Variants in MEIS2 observed in about 807,000 individuals in gnomAD.
MEIS2 encodes the protein Meis homeobox 2.
MEIS2 carries 9 observed loss-of-function variants against 58.6 expected under a neutral mutation model. The observed-to-expected ratio is 0.15, with a 90% confidence interval of 0.09 to 0.27. MEIS2 has a LOEUF of 0.27. MEIS2 is among the 10% of genes least tolerant of loss of function. The pLI, the probability that MEIS2 is intolerant of heterozygous loss-of-function variation, is 1.00. For synonymous variants in MEIS2, 221 were observed against 228.4 expected (o/e 0.97, Z 0.29); for missense variants, 427 against 635.0 (o/e 0.67, Z 3.52).
At chr15:36,965,212 G>A (rs184403962) in intron 8 of MEIS2, among the ~76,000 whole-genome samples, 2 of 152,190 alleles carry the variant, frequency 1.3e-5, no homozygotes, top group African/African-American at 4.8e-5. Context: ...ATAGATTAGG[G>A]AGAAACTTTG....
At chr15:36,928,452 A>C (rs1467354366) in intron 9 of MEIS2, among the ~76,000 whole-genome samples, 1 of 152,214 alleles carries the variant, frequency 6.6e-6, no homozygotes, top group South Asian at 2.1e-4. Context: ...GTTCAGGTCC[A>C]AACCGATAGT....
chr15:36,907,467 C>G (rs2056796462), intron 9 of MEIS2, among the ~76,000 whole-genome samples: 1 of 152,170 alleles, frequency 6.6e-6, no homozygotes, highest in Non-Finnish European at 1.5e-5. Flanking sequence ...TTTCATTTGT[C>G]TGGGGATCTC....
intron 3 of MEIS2, 66 bp from the exon 4 acceptor site, chr15:37,095,680 AATGGGT>A (rs1766347553): frequency 1.2e-6 from 2 of 1,611,954 alleles, no homozygotes; most frequent in Non-Finnish European, 1.7e-6. Context: ...GAAATGTGAG[AATGGGT>A]ACGGTGGAGG....
At chr15:36,943,844 C>A (rs1463115778) in intron 9 of MEIS2, among the ~76,000 whole-genome samples, 1 of 152,070 alleles carries the variant, frequency 6.6e-6, no homozygotes, top group African/African-American at 2.4e-5. Flanking sequence ...AGTCCCCTCG[C>A]TGGCATTCCC....
intron 8 of MEIS2, among the ~76,000 whole-genome samples, chr15:36,976,286 A>C (rs537129679): frequency 2.6e-5 from 4 of 151,776 alleles, no homozygotes; most frequent in African/African-American, 9.7e-5. Flanking sequence ...GGGTTTCACC[A>C]TGTTGGCCAG....
chr15:36,999,120 C>T (rs1017289679), intron 8 of MEIS2, among the ~76,000 whole-genome samples: 12 of 152,278 alleles, frequency 7.9e-5, no homozygotes, highest in African/African-American at 2.9e-4. Context: ...AGCTCAGGTG[C>T]TAGCAATCTC....
chr15:36,930,662 A>AAG (rs1489575380), intron 9 of MEIS2, among the ~76,000 whole-genome samples: 8 of 152,172 alleles, frequency 5.3e-5, no homozygotes, highest in Non-Finnish European at 7.3e-5. Context: ...CATAAGCAAA[A>AAG]AAAATGACGA....
At chr15:36,922,723 C>T (rs1204036607) in intron 9 of MEIS2, among the ~76,000 whole-genome samples, 9 of 150,076 alleles carry the variant, frequency 6.0e-5, no homozygotes, top group Non-Finnish European at 8.9e-5. Flanking sequence ...CGGGTTCAGG[C>T]GATTCTCCTG....
intron 7 of MEIS2, among the ~76,000 whole-genome samples, chr15:37,066,973 G>T (rs577022860): frequency 6.6e-6 from 1 of 151,836 alleles, no homozygotes; most frequent in East Asian, 1.9e-4. Flanking sequence ...TAGAGATGGG[G>T]TCTTGCTTTG....
chr15:36,978,087 T>G (rs1278718787), intron 8 of MEIS2, among the ~76,000 whole-genome samples: 1 of 152,216 alleles, frequency 6.6e-6, no homozygotes, highest in Non-Finnish European at 1.5e-5. Flanking sequence ...TAAATGTACC[T>G]CCTCTGCATT....
intron 7 of MEIS2, among the ~76,000 whole-genome samples, chr15:37,062,484 G>C (rs1384155202): frequency 6.6e-6 from 1 of 152,192 alleles, no homozygotes; most frequent in African/African-American, 2.4e-5. Flanking sequence ...TAGTCAAAGA[G>C]ACAGAAGGAG....
intron 9 of MEIS2, among the ~76,000 whole-genome samples, chr15:36,925,050 G>A (rs1241767027): frequency 1.3e-5 from 2 of 152,152 alleles, no homozygotes; most frequent in African/African-American, 4.8e-5. Flanking sequence ...TTGCAGGGAT[G>A]CAGTGACTGT....
chr15:36,917,000 C>A (rs916196356), intron 9 of MEIS2, among the ~76,000 whole-genome samples: 2 of 152,140 alleles, frequency 1.3e-5, no homozygotes, highest in Non-Finnish European at 2.9e-5. Context: ...CACTCATGCA[C>A]ACATATGCGC....
At chr15:36,999,302 G>A (rs2141591371) in intron 8 of MEIS2, among the ~76,000 whole-genome samples, 1 of 152,304 alleles carries the variant, frequency 6.6e-6, no homozygotes, top group African/African-American at 2.4e-5. Flanking sequence ...AACTGACATG[G>A]TCATCACGAC....
chr15:37,017,354 G>T (rs1246425056), intron 8 of MEIS2, among the ~76,000 whole-genome samples: 2 of 152,122 alleles, frequency 1.3e-5, no homozygotes, highest in African/African-American at 2.4e-5. Context: ...TGTAATCCCT[G>T]CACTTTGGGA....
At chr15:36,938,423 C>A (rs2058254770) in intron 9 of MEIS2, among the ~76,000 whole-genome samples, 1 of 152,172 alleles carries the variant, frequency 6.6e-6, no homozygotes, top group Non-Finnish European at 1.5e-5. Flanking sequence ...TGGAAAGAAT[C>A]CCCAAGCCCC....
chr15:36,985,021 C>G (rs112080777), intron 8 of MEIS2, among the ~76,000 whole-genome samples: 3 of 152,170 alleles, frequency 2.0e-5, no homozygotes, highest in African/African-American at 7.2e-5. Context: ...TTCAAAAAAC[C>G]TACCCTTAGT....
At chr15:36,934,727 A>AATCTTCC (rs1237300835) in intron 9 of MEIS2, among the ~76,000 whole-genome samples, 1 of 152,208 alleles carries the variant, frequency 6.6e-6, no homozygotes, top group African/African-American at 2.4e-5. Context: ...GAGAAAGAAA[A>AATCTTCC]ATCTTCCAAG....
At chr15:37,006,500 T>C (rs569888329) in intron 8 of MEIS2, among the ~76,000 whole-genome samples, 29 of 152,358 alleles carry the variant, frequency 1.9e-4, no homozygotes, top group Non-Finnish European at 4.0e-4. Context: ...ATAAACTATA[T>C]TGTTCACCTT....
Sources: allele counts gnomAD v4.1 joint callset (sites outside exome capture counted in the v4.1 genomes callset), GRCh38; gene constraint gnomAD v4.1.1; transcripts MANE v1.5; gene names NCBI Gene and HGNC (gene_info 2026-07-23, HGNC 2026-07-21).